SMIM1: variants seen among roughly 807,000 people sequenced by gnomAD.
SMIM1 encodes small integral membrane protein 1 (Vel blood group).
In SMIM1, 7 loss-of-function variants were observed where a neutral mutation model predicts 7.7. That is an observed-to-expected ratio of 0.91 (90% CI 0.52 to 1.71). SMIM1 has a LOEUF of 1.71. SMIM1 is among the 40% of genes most tolerant of loss of function. SMIM1 has a pLI of 0.00. For missense variants in SMIM1, 95 were observed against 102.8 expected (o/e 0.92, Z 0.33); for synonymous variants, 41 against 42.7 (o/e 0.96, Z 0.16).
In SMIM1 at chr1:3,775,810, G is replaced by T. The variant is rs1201101676; in HGVS notation, c.126G>T (p.Leu42=). Residue 42 remains leucine, a synonymous_variant, in exon 4 of 4, where the codon CTG becomes CTT. Coordinates refer to ENST00000642557, the MANE Select transcript of SMIM1 (RefSeq NM_001288583.2). This position sits in a 1 kb window ranked among gnomAD's most constrained non-coding sequence, Gnocchi z 5.3. The part of the protein sequence containing the change: ...ASRCRRISQR[L]CTGKLGIAMK... ...CTCACCCCAGGATCTCCCAGAGGCT[G>T]TGCACGGGCAAGCTGGGCATCGCCA... 4 of 1,550,502 alleles carry T rather than the reference G, an allele frequency of 2.6e-6. No individual in the cohort carries two copies. The Admixed American group carries it at 5.9e-5, about 23-fold the overall frequency.
Position 3,775,675 on chromosome 1 carries a change from T to TG in SMIM1, c.111-120_111-119insG. ...GGCTGTGGGCGGGGAGAGCTTCCTC[T>TG]TGACTCCAGCAGAGCGCCCAGGCCC... On this transcript the variant is annotated intron_variant, in intron 3 of 3. Transcript: ENST00000642557. This position sits in a 1 kb window ranked among gnomAD's most constrained non-coding sequence, Gnocchi z 5.3. The TG allele has an allele frequency of 7.1e-7, 1 of 1,410,780 alleles. No individual in the cohort carries two copies. Among genetic ancestry groups the TG allele is most frequent in the South Asian group, 1.4e-5 (1 of 69,148 alleles). The allele number at this position is 1,410,780 out of a possible 1,614,324, so 87.4% of individuals were successfully genotyped here. A position where few individuals can be genotyped will look rare whatever the true frequency, so the allele number is the denominator to read the frequency against.
At position 3,775,486 on chromosome 1, in the gene SMIM1, G is replaced by C; in HGVS notation, c.110+3G>C. On this transcript the variant is annotated splice_donor_region_variant and intron_variant, in intron 3 of 3. Transcript: ENST00000642557. The surrounding 1 kb of genome is among the most constrained non-coding windows in gnomAD (Gnocchi z 5.3). ...GAAGAGGCCTCACGCTGCCGCAGGT[G>C]AGGGGCCTGAGGGCAGCCTGCCAGC... The C allele has an allele frequency of 6.5e-7, 1 of 1,547,846 alleles. No homozygotes were observed. Among genetic ancestry groups the C allele is most frequent in the East Asian group, 2.4e-5 (1 of 40,882 alleles).
At position 3,775,513 on chromosome 1, in the gene SMIM1, A is replaced by G. The variant is rs1174596647; in HGVS notation, c.110+30A>G. ...GGGGCCTGAGGGCAGCCTGCCAGCC[A>G]TAGCAGGCTGGTGTCTCCCTCCAGA... On this transcript the variant is annotated intron_variant, in intron 3 of 3. Transcript: ENST00000642557. The surrounding 1 kb of genome is among the most constrained non-coding windows in gnomAD (Gnocchi z 5.3). 1.3e-6 allele frequency: 2 copies of G among 1,516,968 alleles called. No individual in the cohort carries two copies. Among genetic ancestry groups the G allele is most frequent in the South Asian group, 1.2e-5 (1 of 83,088 alleles). The allele number at this position is 1,516,968 out of a possible 1,614,324, so 94.0% of individuals were successfully genotyped here. A position where few individuals can be genotyped will look rare whatever the true frequency, so the allele number is the denominator to read the frequency against.
In SMIM1 at chr1:3,775,804, G is replaced by T; in HGVS notation, c.120G>T (p.Gln40His). ...TTGGTTCTCACCCCAGGATCTCCCA[G>T]AGGCTGTGCACGGGCAAGCTGGGCA... ...EEASRCRRIS[Q>H]RLCTGKLGIA... The change falls in exon 4 of 4, where the codon CAG becomes CAT. Residue 40 changes from glutamine to histidine, a missense_variant. Transcript: ENST00000642557. The surrounding 1 kb of genome is among the most constrained non-coding windows in gnomAD (Gnocchi z 5.3). 6.4e-7 allele frequency: 1 copy of T among 1,550,400 alleles called. No homozygotes were observed.
Position 3,775,344 on chromosome 1 carries a change from GC to G in SMIM1, c.-26del. The G allele has an allele frequency of 1.3e-6, 2 of 1,526,982 alleles. No individual in the cohort carries two copies. The highest frequency in any genetic ancestry group is 2.0e-5 in the Admixed American group (1 of 49,638). The allele number at this position is 1,526,982 out of a possible 1,614,324, so 94.6% of individuals were successfully genotyped here. A position where few individuals can be genotyped will look rare whatever the true frequency, so the allele number is the denominator to read the frequency against. ...CTGTCTTGATCTCCCCACCGAGAAG[GC>G]CCCGCCCCTCCCGCTGCAGCCCCAC... On this transcript the variant is annotated 5_prime_UTR_variant, in exon 3 of 4. Coordinates refer to ENST00000642557, the MANE Select transcript of SMIM1 (RefSeq NM_001288583.2). The surrounding 1 kb of genome is among the most constrained non-coding windows in gnomAD (Gnocchi z 5.3).
rs1288017221 is a variant in SMIM1, at chr1:3,775,431, G to A, written c.58G>A (p.Gly20Arg). 1.7e-5 allele frequency: 27 copies of A among 1,550,322 alleles called. No individual in the cohort carries two copies. Among genetic ancestry groups the A allele is most frequent in the East Asian group, 1.5e-4 (6 of 40,914 alleles). ...YSRWEDGSRD[G>R]VSLGAVSSTE... is the part of the protein sequence containing the mutation. ...TAGGTGGGAGGACGGCAGCAGGGACGGAGTCAGCCTAGGGGCTGTGTCCAG... is the reference window on the plus strand; with the variant it reads ...TAGGTGGGAGGACGGCAGCAGGGACAGAGTCAGCCTAGGGGCTGTGTCCAG... Residue 20 changes from glycine to arginine, a missense_variant, in exon 3 of 4, where the codon GGA (glycine) becomes AGA (arginine). Physicochemically the swap from Gly to Arg is moderately radical, Grantham distance 125. Transcript: ENST00000642557. The surrounding 1 kb of genome is among the most constrained non-coding windows in gnomAD (Gnocchi z 5.3).
intron 2 of SMIM1, among the ~76,000 whole-genome samples, chr1:3,774,553 G>A (rs1643428811): frequency 1.3e-5 from 2 of 152,306 alleles, no homozygotes; most frequent in African/African-American, 2.4e-5. Flanking sequence ...ATGAGTCCCA[G>A]GTCTGCAGGA....
At chr1:3,773,517 C>T (rs1285594025) in intron 2 of SMIM1, among the ~76,000 whole-genome samples, 2 of 152,182 alleles carry the variant, frequency 1.3e-5, no homozygotes, top group African/African-American at 2.4e-5. Context: ...CCCCTCCCAC[C>T]GGGAGGCCCA....
chr1:3,775,357 C>T lies in SMIM1; in HGVS notation c.-17C>T, dbSNP rs775233356. On this transcript the variant is annotated 5_prime_UTR_variant, in exon 3 of 4. Transcript: ENST00000642557. The surrounding 1 kb of genome is among the most constrained non-coding windows in gnomAD (Gnocchi z 5.3). The stretch of plus-strand genomic sequence containing the variant: ...CCCACCGAGAAGGCCCCGCCCCTCC[C>T]GCTGCAGCCCCACAGCATGCAGCCC... The T allele has an allele frequency of 2.5e-5, 38 of 1,541,872 alleles. No homozygotes were observed. The highest frequency in any genetic ancestry group is 3.4e-4 in the Middle Eastern group (2 of 5,964).
Position 3,775,674 on chromosome 1 carries a change from C to T in SMIM1, c.111-121C>T. 4.3e-6 allele frequency: 6 copies of T among 1,409,850 alleles called. No individual in the cohort carries two copies. In the South Asian group the frequency reaches 4.3e-5, roughly 10 times the overall value. The allele number at this position is 1,409,850 out of a possible 1,614,324, so 87.3% of individuals were successfully genotyped here. A position where few individuals can be genotyped will look rare whatever the true frequency, so the allele number is the denominator to read the frequency against. Reference sequence around the variant, plus strand: ...TGGCTGTGGGCGGGGAGAGCTTCCTCTTGACTCCAGCAGAGCGCCCAGGCC... The same window carrying T: ...TGGCTGTGGGCGGGGAGAGCTTCCTTTTGACTCCAGCAGAGCGCCCAGGCC... On this transcript the variant is annotated intron_variant, in intron 3 of 3. Coordinates refer to ENST00000642557, the MANE Select transcript of SMIM1 (RefSeq NM_001288583.2). This position sits in a 1 kb window ranked among gnomAD's most constrained non-coding sequence, Gnocchi z 5.3.
At chr1:3,774,287 C>A (rs1485324849) in intron 2 of SMIM1, among the ~76,000 whole-genome samples, 2 of 152,168 alleles carry the variant, frequency 1.3e-5, no homozygotes, top group Non-Finnish European at 2.9e-5. Context: ...GACCAGAGAG[C>A]TGACCCCAGT....
In SMIM1 at chr1:3,775,659, C is replaced by T. The variant is rs1229834066; in HGVS notation, c.111-136C>T. Reference sequence around the variant, plus strand: ...GGCCTTCCCTCTGGTTGGCTGTGGGCGGGGAGAGCTTCCTCTTGACTCCAG... The same window carrying T: ...GGCCTTCCCTCTGGTTGGCTGTGGGTGGGGAGAGCTTCCTCTTGACTCCAG... On this transcript the variant is annotated intron_variant, in intron 3 of 3. Transcript: ENST00000642557. This position sits in a 1 kb window ranked among gnomAD's most constrained non-coding sequence, Gnocchi z 5.3. 5.2e-6 allele frequency: 7 copies of T among 1,357,462 alleles called. No individual in the cohort carries two copies. The highest frequency in any genetic ancestry group is 2.6e-5 in the Admixed American group (1 of 38,094). The allele number at this position is 1,357,462 out of a possible 1,614,324, so 84.1% of individuals were successfully genotyped here.
Position 3,775,792 on chromosome 1 carries a change from C to T in SMIM1, c.111-3C>T, listed in dbSNP as rs1643449534. 5.8e-6 allele frequency: 9 copies of T among 1,549,714 alleles called. No individual in the cohort carries two copies. The South Asian group carries it at 1.1e-4, about 18-fold the overall frequency. ...GCTCACCTCCAGTTGGTTCTCACCC[C>T]AGGATCTCCCAGAGGCTGTGCACGG... On this transcript the variant is annotated splice_region_variant and splice_polypyrimidine_tract_variant and intron_variant, in intron 3 of 3. Coordinates refer to ENST00000642557, the MANE Select transcript of SMIM1 (RefSeq NM_001288583.2). The surrounding 1 kb of genome is among the most constrained non-coding windows in gnomAD (Gnocchi z 5.3).
intron 2 of SMIM1, among the ~76,000 whole-genome samples, chr1:3,774,417 C>CCGGGCTGGCT (rs1442386531): frequency 6.6e-6 from 1 of 152,144 alleles, no homozygotes; most frequent in African/African-American, 2.4e-5. Context: ...TGCTTAGAGT[C>CCGGGCTGGCT]CGGGCTGGCT....
In SMIM1 at chr1:3,775,293, T is replaced by G. The variant is rs1643440999; in HGVS notation, c.-75-6T>G. On this transcript the variant is annotated splice_region_variant and splice_polypyrimidine_tract_variant and intron_variant, in intron 2 of 3. Transcript: ENST00000642557. The surrounding 1 kb of genome is among the most constrained non-coding windows in gnomAD (Gnocchi z 5.3). ...GACTGCCGCCCTCCATCCGCTTGTTTTACAGTGAAGCCACAGCCTGGCCAC... is the reference window on the plus strand; with the variant it reads ...GACTGCCGCCCTCCATCCGCTTGTTGTACAGTGAAGCCACAGCCTGGCCAC... 9.1e-7 allele frequency: 1 copy of G among 1,097,610 alleles called. No individual in the cohort carries two copies. Among genetic ancestry groups the G allele is most frequent in the Non-Finnish European group, 1.3e-6 (1 of 773,408 alleles). The allele number at this position is 1,097,610 out of a possible 1,614,324, so 68.0% of individuals were successfully genotyped here.
chr1:3,774,042 G>A (rs745679357), intron 2 of SMIM1, among the ~76,000 whole-genome samples: 2 of 150,992 alleles, frequency 1.3e-5, no homozygotes, highest in Non-Finnish European at 2.9e-5. Flanking sequence ...AGACATGGAA[G>A]TGCCGGGAGT....
At position 3,775,236 on chromosome 1, in the gene SMIM1, C is replaced by A. The variant is rs756848471; in HGVS notation, c.-75-63C>A. On this transcript the variant is annotated intron_variant, in intron 2 of 3. Transcript: ENST00000642557. The surrounding 1 kb of genome is among the most constrained non-coding windows in gnomAD (Gnocchi z 5.3). ...GAGTCAGCCCCCGACCCTTAGTGCC[C>A]CTCTCCTAACAGCAGCCTCAGAGGG... 10 of 609,048 alleles carry A rather than the reference C, an allele frequency of 1.6e-5. No individual in the cohort carries two copies. The highest frequency in any genetic ancestry group is 2.6e-5 in the Non-Finnish European group (9 of 349,842). 37.7% of individuals were successfully genotyped at this position (609,048 alleles called of 1,614,324 possible).
At chr1:3,774,254 G>GA (rs1314904328) in intron 2 of SMIM1, among the ~76,000 whole-genome samples, 1 of 152,154 alleles carries the variant, frequency 6.6e-6, no homozygotes, top group East Asian at 1.9e-4. Flanking sequence ...CAGATGCTGA[G>GA]AGGGGACACT....
At chr1:3,773,485 G>C (rs1045407629) in intron 2 of SMIM1, among the ~76,000 whole-genome samples, 6 of 152,232 alleles carry the variant, frequency 3.9e-5, no homozygotes, top group Non-Finnish European at 7.3e-5. Context: ...CATGATCCCA[G>C]AGTTGAACAC....
Sources: gnomAD v4.1 joint callset for allele counts (sites outside exome capture counted in the v4.1 genomes callset) on GRCh38, gnomAD v4.1.1 for gene constraint, Gnocchi (gnomAD v3.1) non-coding constraint, MANE v1.5 for transcripts, NCBI Gene and HGNC (gene_info 2026-07-23, HGNC 2026-07-21) for gene names.